The following PRKCA variants were observed in gnomAD, a reference collection of about 807,000 sequenced individuals.
PRKCA encodes protein kinase C alpha type.
Under a neutral mutation model 87.0 loss-of-function variants are expected in PRKCA, and 27 were observed. That is an observed-to-expected ratio of 0.31 (90% CI 0.23 to 0.43). The LOEUF is 0.43. PRKCA is among the 20% of genes least tolerant of loss of function. The pLI is 1.00. For synonymous variants in PRKCA, 329 were observed against 311.1 expected, an observed-to-expected ratio of 1.06 and a Z score of -0.61; for missense variants, 518 against 852.3, an observed-to-expected ratio of 0.61 and a Z score of 4.88.
chr17:66,469,866 G>A (rs1915246461), intron 2 of PRKCA, among the ~76,000 whole-genome samples: 1 of 152,144 alleles, frequency 6.6e-6, no homozygotes, highest in Non-Finnish European at 1.5e-5. Context: ...AATGGCCAGA[G>A]TCTTAGAGGA....
intron 2 of PRKCA, among the ~76,000 whole-genome samples, chr17:66,485,028 T>A (rs1452740340): frequency 6.6e-6 from 1 of 152,094 alleles, no homozygotes; most frequent in Non-Finnish European, 1.5e-5. Context: ...AGAGAGAGGA[T>A]GTGAGAGACA....
intron 2 of PRKCA, among the ~76,000 whole-genome samples, chr17:66,346,352 C>A (rs1318478741): frequency 6.6e-6 from 1 of 151,854 alleles, no homozygotes; most frequent in East Asian, 1.9e-4. Flanking sequence ...CCACCTTGGC[C>A]TCCCAAAGTG....
At chr17:66,352,852 G>A (rs1310432577) in intron 2 of PRKCA, among the ~76,000 whole-genome samples, 13 of 151,972 alleles carry the variant, frequency 8.6e-5, no homozygotes, top group East Asian at 3.9e-4. Context: ...ATGAGCCACC[G>A]TGCCCGGCCT....
At chr17:66,749,453 G>A (rs1228521742) in intron 13 of PRKCA, among the ~76,000 whole-genome samples, 1 of 152,138 alleles carries the variant, frequency 6.6e-6, no homozygotes, top group Admixed American at 6.5e-5. Context: ...GAGGCCCCCT[G>A]CCCTGGTGAC....
At chr17:66,393,357 G>T (rs1910472852) in intron 2 of PRKCA, among the ~76,000 whole-genome samples, 1 of 152,116 alleles carries the variant, frequency 6.6e-6, no homozygotes, top group Admixed American at 6.5e-5. Flanking sequence ...CCCAATCTGT[G>T]TCCCAGGGAC....
At chr17:66,725,374 A>T (rs1321149052) in intron 8 of PRKCA, among the ~76,000 whole-genome samples, 3 of 152,200 alleles carry the variant, frequency 2.0e-5, no homozygotes, top group Non-Finnish European at 4.4e-5. Context: ...ATGAGCACAA[A>T]TGTGAATGAA....
intron 2 of PRKCA, among the ~76,000 whole-genome samples, chr17:66,388,746 A>G (rs990744893): frequency 6.6e-6 from 1 of 152,148 alleles, no homozygotes; most frequent in Non-Finnish European, 1.5e-5. Flanking sequence ...GCACATCTGC[A>G]CTGTGGGGCA....
chr17:66,530,641 T>C (rs954999208), intron 3 of PRKCA, among the ~76,000 whole-genome samples: 4 of 152,156 alleles, frequency 2.6e-5, no homozygotes, highest in African/African-American at 9.7e-5. Context: ...TATTTTCTTA[T>C]TGCTGTTAGG....
At chr17:66,461,332 C>CCAGA (rs1325657078) in intron 2 of PRKCA, among the ~76,000 whole-genome samples, 21 of 152,046 alleles carry the variant, frequency 1.4e-4, no homozygotes, top group Non-Finnish European at 3.1e-4. Context: ...GTTCTTCTAA[C>CCAGA]CAGACTTCTT....
At chr17:66,306,005 G>T in intron 1 of PRKCA, 91 bp from the exon 2 acceptor site, 8 of 1,155,710 alleles carry the variant, frequency 6.9e-6, no homozygotes, top group Non-Finnish European at 1.0e-5. Flanking sequence ...CAAACCTTTA[G>T]TGGTAGAGTA....
At chr17:66,576,781 CACT>C (rs1414036289) in intron 3 of PRKCA, among the ~76,000 whole-genome samples, 1 of 152,162 alleles carries the variant, frequency 6.6e-6, no homozygotes, top group African/African-American at 2.4e-5. Flanking sequence ...ATGTTCTTTT[CACT>C]TAGAGAGGGC....
chr17:66,641,443 T>G lies in PRKCA; in HGVS notation c.377T>G (p.Ile126Ser). The G allele has an allele frequency of 6.2e-7, 1 of 1,609,156 alleles. No homozygotes were observed. Among genetic ancestry groups the G allele is most frequent in the Non-Finnish European group, 8.5e-7 (1 of 1,177,026 alleles). Residue 126 changes from isoleucine (I) to serine (S), a missense_variant, in exon 4 of 17, where the codon ATC (isoleucine) becomes AGC (serine). Physicochemically the swap from Ile to Ser is moderately radical, Grantham distance 142 (BLOSUM62 -2). Transcript: ENST00000413366. Reference protein sequence around the residue: ...DHCGSLLYGLIHQGMKCDTCD... With the variant: ...DHCGSLLYGLSHQGMKCDTCD... ...TGTGGGTCACTGCTCTATGGACTTA[T>G]CCATCAAGGGATGAAATGTGACAGT... is the stretch of plus-strand genomic sequence containing the variant.
At chr17:66,781,384 C>G (rs931706544) in intron 14 of PRKCA, among the ~76,000 whole-genome samples, 11 of 152,222 alleles carry the variant, frequency 7.2e-5, no homozygotes, top group African/African-American at 2.7e-4. Context: ...GTGATGGCAG[C>G]TGCTCCATCC....
chr17:66,729,390 G>A (rs925423216), intron 8 of PRKCA, among the ~76,000 whole-genome samples: 3 of 152,144 alleles, frequency 2.0e-5, no homozygotes, highest in African/African-American at 4.8e-5. Flanking sequence ...GGTGACAAGA[G>A]TGAAACTCTG....
intron 3 of PRKCA, among the ~76,000 whole-genome samples, chr17:66,497,879 TC>T (rs749990024): frequency 2.2e-4 from 33 of 152,214 alleles, no homozygotes; most frequent in Non-Finnish European, 4.1e-4. Context: ...TGTTTGGTGT[TC>T]AGTGCACGGG....
intron 3 of PRKCA, among the ~76,000 whole-genome samples, chr17:66,553,473 C>G (rs1968404259): frequency 6.6e-6 from 1 of 152,196 alleles, no homozygotes; most frequent in Admixed American, 6.5e-5. Flanking sequence ...CTCCTCCCTG[C>G]CAGAGGTAAA....
intron 15 of PRKCA, 75 bp from the exon 16 acceptor site, chr17:66,788,764 C>G (rs1975461115): frequency 6.5e-7 from 1 of 1,540,970 alleles, no homozygotes; most frequent in Non-Finnish European, 8.8e-7. Context: ...GTAGGCAGAG[C>G]TAGGCAAATG....
intron 3 of PRKCA, among the ~76,000 whole-genome samples, chr17:66,546,551 C>T (rs190672347): frequency 9.9e-5 from 15 of 152,254 alleles, no homozygotes; most frequent in African/African-American, 3.1e-4. Flanking sequence ...CTCCAGTTTC[C>T]GCCTCTGTGT....
At chr17:66,788,798 C>T in intron 15 of PRKCA, 41 bp from the exon 16 acceptor site, 1 of 1,600,574 alleles carries the variant, frequency 6.2e-7, no homozygotes, top group Non-Finnish European at 8.5e-7. Flanking sequence ...GTGGGAAGCC[C>T]TTGACATCCA....
Sources: allele counts gnomAD v4.1 joint callset (sites outside exome capture counted in the v4.1 genomes callset), GRCh38; gene constraint gnomAD v4.1.1; transcripts MANE v1.5; gene names NCBI Gene and HGNC (gene_info 2026-07-23, HGNC 2026-07-21).